Variants in USP24 observed in about 807,000 individuals in gnomAD.
USP24 encodes ubiquitin specific peptidase 24.
A neutral mutation model predicts 361.6 loss-of-function variants in USP24; 97 were observed. The observed-to-expected ratio is 0.27, with a 90% CI of 0.23 to 0.32. The LOEUF is 0.32. USP24 is among the 10% of genes least tolerant of loss of function. USP24 has a pLI of 1.00. For missense variants in USP24, 2,353 were observed against 3,165.6 expected (o/e 0.74, Z 6.16); for synonymous variants, 1,098 against 1,124.6 (o/e 0.98, Z 0.47).
Position 55,135,377 on chromosome 1 carries a change from G to A in USP24, c.3202-964C>T, listed in dbSNP as rs116276007. 2.4e-3 allele frequency among the ~76,000 whole-genome samples: 368 copies of A among 152,156 alleles called. 1 individual carries two copies. Among genetic ancestry groups the A allele is most frequent in the African/African-American group, 8.4e-3 (349 of 41,520 alleles). On this transcript the variant is annotated intron_variant, in intron 28 of 67. Transcript: ENST00000294383. ...CTGAAATGTGAAATTCTCCAAAATC[G>A]GAAACTTTCTGAGTGCTAACATGAC...
chr1:55,153,978 C>A, intron 15 of USP24, 61 bp from the exon 16 acceptor site: 1 of 1,538,974 alleles, frequency 6.5e-7, no homozygotes. Flanking sequence ...TATAATTTCC[C>A]GATCTTGGAC....
chr1:55,176,565 A>AT, intron 2 of USP24, 122 bp from the exon 3 acceptor site: 1 of 852,408 alleles, frequency 1.2e-6, no homozygotes, highest in Non-Finnish European at 1.8e-6. Flanking sequence ...CATATACATC[A>AT]TTCTAAATCC....
chr1:55,175,143 A>G (rs1649831970), intron 3 of USP24, among the ~76,000 whole-genome samples: 1 of 151,504 alleles, frequency 6.6e-6, no homozygotes. Flanking sequence ...TAAGGCTTGA[A>G]TCAAGGGAGA....
At position 55,079,665 on chromosome 1, in the gene USP24, G is replaced by T; in HGVS notation, c.7079-6C>A. 6.5e-7 allele frequency: 1 copy of T among 1,527,540 alleles called. No individual in the cohort carries two copies. The highest frequency in any genetic ancestry group is 8.7e-7 in the Non-Finnish European group (1 of 1,147,986). The allele number at this position is 1,527,540 out of a possible 1,614,324, so 94.6% of individuals were successfully genotyped here. ...TTGCTTAAATATGCCAGGAGCTTTA[G>T]GAGACCAAAGAAACAAAACAGAACC... is the stretch of plus-strand genomic sequence containing the variant. On this transcript the variant is annotated splice_region_variant and splice_polypyrimidine_tract_variant and intron_variant, in intron 59 of 67. Transcript: ENST00000294383.
At chr1:55,156,698 A>C (rs1647702197) in intron 12 of USP24, among the ~76,000 whole-genome samples, 1 of 152,222 alleles carries the variant, frequency 6.6e-6, no homozygotes, top group East Asian at 1.9e-4. Flanking sequence ...ACTAACTGCT[A>C]TATGACCTTC....
intron 50 of USP24, 135 bp downstream of exon 50, chr1:55,096,363 T>C (rs1645495837): frequency 1.4e-6 from 1 of 729,170 alleles, no homozygotes; most frequent in Non-Finnish European, 1.9e-6. Flanking sequence ...AGCTTGCTCA[T>C]GGTTCTATTG....
intron 67 of USP24, among the ~76,000 whole-genome samples, chr1:55,070,366 A>G (rs111481101): frequency 0.029 from 4,436 of 152,260 alleles, 156 homozygotes; most frequent in African/African-American, 0.082. Context: ...GGTCCAGAAG[A>G]GGCAGTACTA....
At chr1:55,158,783 T>A in intron 10 of USP24, 95 bp downstream of exon 10, 1 of 1,072,354 alleles carries the variant, frequency 9.3e-7, no homozygotes, top group Non-Finnish European at 1.2e-6. Flanking sequence ...AATAAATTAT[T>A]CATATTTCCC....
chr1:55,072,597 C>G (rs1232565808), intron 65 of USP24, among the ~76,000 whole-genome samples, 189 bp downstream of exon 65: 1 of 152,176 alleles, frequency 6.6e-6, no homozygotes, highest in East Asian at 1.9e-4. Context: ...ACCTTTTCCC[C>G]TATGAAGTTA....
intron 3 of USP24, among the ~76,000 whole-genome samples, chr1:55,176,059 T>C (rs1386316468): frequency 6.6e-6 from 1 of 152,234 alleles, no homozygotes; most frequent in Non-Finnish European, 1.5e-5. Context: ...TATCCTAGTA[T>C]AATTAAGTCT....
intron 3 of USP24, among the ~76,000 whole-genome samples, chr1:55,175,160 C>T (rs1649835328): frequency 6.6e-6 from 1 of 150,404 alleles, no homozygotes; most frequent in African/African-American, 2.4e-5. Context: ...GAGATTCTGC[C>T]TACCAAAATG....
At chr1:55,143,886 A>G (rs1333009256) in intron 21 of USP24, among the ~76,000 whole-genome samples, 1 of 152,150 alleles carries the variant, frequency 6.6e-6, no homozygotes, top group African/African-American at 2.4e-5. Flanking sequence ...AGCCAGAAAC[A>G]GAGAGATGTG....
chr1:55,159,475 G>A, intron 9 of USP24, 136 bp downstream of exon 9: 1 of 724,144 alleles, frequency 1.4e-6, no homozygotes, highest in East Asian at 2.7e-5. Context: ...TTTTAATTAG[G>A]AAATGTAAAG....
intron 38 of USP24, among the ~76,000 whole-genome samples, chr1:55,112,287 G>A (rs1248703253): frequency 6.6e-6 from 1 of 152,082 alleles, no homozygotes; most frequent in Non-Finnish European, 1.5e-5. Context: ...GTTCTGCTCT[G>A]ATCTTAGTTA....
intron 42 of USP24, among the ~76,000 whole-genome samples, chr1:55,102,031 A>G (rs1338893993): frequency 6.6e-6 from 1 of 152,198 alleles, no homozygotes; most frequent in Non-Finnish European, 1.5e-5. Context: ...CATGGGATAT[A>G]AGAGAGAACA....
intron 21 of USP24, 135 bp from the exon 22 acceptor site, chr1:55,143,254 C>G: frequency 3.1e-6 from 2 of 644,864 alleles, no homozygotes; most frequent in Non-Finnish European, 4.8e-6. Context: ...AAAACCTCAG[C>G]TATATGAAAA....
chr1:55,110,279 G>A, intron 38 of USP24, 33 bp from the exon 39 acceptor site: 1 of 1,471,526 alleles, frequency 6.8e-7, no homozygotes, highest in Non-Finnish European at 9.1e-7. Context: ...TTACTAATAA[G>A]AGGCTGATTT....
rs1235422478 is a variant in USP24 at position 55,153,970 on chromosome 1, T to C, written c.1813-53A>G. The C allele has an allele frequency of 3.8e-5, 58 of 1,541,528 alleles. No individual in the cohort carries two copies. In the East Asian group the frequency reaches 1.3e-3, roughly 36 times the overall value. ...AGTGACTTGGTAAAAGCAATACCTA[T>C]AATTTCCCGATCTTGGACTTTAAGG... On this transcript the variant is annotated intron_variant, in intron 15 of 67. Coordinates refer to ENST00000294383, the MANE Select transcript of USP24 (RefSeq NM_015306.3).
Position 55,106,282 on chromosome 1 carries a change from T to G in USP24, c.4763-19A>C, listed in dbSNP as rs763801648. On this transcript the variant is annotated intron_variant, in intron 40 of 67. Coordinates refer to ENST00000294383, the MANE Select transcript of USP24 (RefSeq NM_015306.3). ...GATGAACCTGGAATAGAGCATAATA[T>G]TCATGTTGAAGATGAACACATATTT... The G allele has an allele frequency of 2.6e-6, 4 of 1,557,232 alleles. No homozygotes were observed. Among genetic ancestry groups the G allele is most frequent in the Non-Finnish European group, 3.5e-6 (4 of 1,129,778 alleles).
Sources: gnomAD v4.1 joint callset for allele counts (sites outside exome capture counted in the v4.1 genomes callset) on GRCh38, gnomAD v4.1.1 for gene constraint, MANE v1.5 for transcripts, NCBI Gene and HGNC (gene_info 2026-07-23, HGNC 2026-07-21) for gene names.